RPH3AL: variants seen among roughly 807,000 people sequenced by gnomAD.
RPH3AL encodes rab effector Noc2.
RPH3AL carries 38 observed loss-of-function variants against 43.1 expected under a neutral mutation model. That is an observed-to-expected ratio of 0.88 (90% CI 0.68 to 1.15). The LOEUF (loss-of-function observed/expected upper bound fraction) is 1.15, where lower values mean the gene tolerates loss of function less well. Ranked by LOEUF, RPH3AL falls within the 50% of genes most tolerant of loss-of-function variation. RPH3AL has a pLI of 0.00. For synonymous variants in RPH3AL, 189 were observed against 176.3 expected, an observed-to-expected ratio of 1.07 and a Z score of -0.57; for missense variants, 462 against 423.2, an observed-to-expected ratio of 1.09 and a Z score of -0.81.
chr17:292,546 C>T (rs56210017), intron 5 of RPH3AL, among the ~76,000 whole-genome samples: 1 of 152,154 alleles, frequency 6.6e-6, no homozygotes, highest in Non-Finnish European at 1.5e-5. Context: ...TTAAGCAGCT[C>T]GACGTGGGGA....
rs2041780227 is a variant in RPH3AL, at chr17:246,963, G to T, written c.613+148C>A. ...CGCTGCTCACTCGGGAGAAGGTGTG[G>T]AGCTGAGGGCACAGGGAGGGACGCA... On this transcript the variant is annotated intron_variant, in intron 7 of 9. Coordinates refer to ENST00000331302, the MANE Select transcript of RPH3AL (RefSeq NM_006987.4). This position sits in a 1 kb window ranked among gnomAD's most constrained non-coding sequence, Gnocchi z 4.8. 8.2e-6 allele frequency: 7 copies of T among 850,392 alleles called. No homozygotes were observed. The highest frequency in any genetic ancestry group is 1.9e-5 in the Admixed American group (1 of 51,804). 52.7% of individuals were successfully genotyped at this position (850,392 alleles called of 1,614,324 possible). A position where few individuals can be genotyped will look rare whatever the true frequency, so the allele number is the denominator to read the frequency against.
intron 7 of RPH3AL, among the ~76,000 whole-genome samples, chr17:235,474 G>A (rs193020300): frequency 3.0e-5 from 4 of 135,282 alleles, no homozygotes; most frequent in Non-Finnish European, 3.3e-5. Context: ...GGGGTCGGCC[G>A]AGGCTCTGCA....
chr17:297,629 A>T (rs920174062), intron 5 of RPH3AL, among the ~76,000 whole-genome samples: 12 of 152,174 alleles, frequency 7.9e-5, no homozygotes, highest in Admixed American at 7.9e-4. Context: ...ACTGTAAGAG[A>T]ATAGGAAAAA....
intron 2 of RPH3AL, 56 bp from the exon 3 acceptor site, chr17:327,635 G>T: frequency 8.7e-7 from 1 of 1,146,074 alleles, no homozygotes; most frequent in Non-Finnish European, 1.3e-6. Context: ...GGTACAGATG[G>T]CAGACAGGTT....
At chr17:258,244 G>A (rs532299716) in intron 6 of RPH3AL, among the ~76,000 whole-genome samples, 6 of 152,278 alleles carry the variant, frequency 3.9e-5, no homozygotes, top group African/African-American at 9.6e-5. Context: ...CATCACAGCC[G>A]TCTTGCTCAC....
intron 5 of RPH3AL, among the ~76,000 whole-genome samples, chr17:311,491 C>T (rs958526227): frequency 3.3e-5 from 5 of 152,160 alleles, no homozygotes; most frequent in Non-Finnish European, 7.3e-5. Flanking sequence ...TGCTCTGAGT[C>T]CTGGGAACCC....
intron 6 of RPH3AL, among the ~76,000 whole-genome samples, chr17:265,517 A>G (rs570798375): frequency 1.6e-4 from 25 of 152,354 alleles, no homozygotes; most frequent in Admixed American, 1.1e-3. Context: ...AACGTTCGTC[A>G]TCCTGAAATA....
At chr17:301,246 G>C (rs995352055) in intron 5 of RPH3AL, among the ~76,000 whole-genome samples, 3 of 152,226 alleles carry the variant, frequency 2.0e-5, no homozygotes, top group African/African-American at 4.8e-5. Context: ...CCTTCCTTTG[G>C]GGTCTCCTGC....
At chr17:270,336 G>A (rs1411121928) in intron 6 of RPH3AL, among the ~76,000 whole-genome samples, 2 of 152,346 alleles carry the variant, frequency 1.3e-5, no homozygotes, top group East Asian at 3.9e-4. Context: ...GTGAGCACAG[G>A]CCGCCTGCCC....
intron 8 of RPH3AL, among the ~76,000 whole-genome samples, chr17:218,558 A>T (rs2040871416): frequency 6.6e-6 from 1 of 151,434 alleles, no homozygotes; most frequent in African/African-American, 2.4e-5. Context: ...GGCCTCCCTG[A>T]AATTTCTTTC....
intron 7 of RPH3AL, among the ~76,000 whole-genome samples, chr17:235,153 G>C (rs987806946): frequency 2.6e-5 from 4 of 151,768 alleles, no homozygotes; most frequent in Middle Eastern, 3.4e-3. Flanking sequence ...ACGGGTGCAG[G>C]GTTCAAAGCT....
chr17:285,866 C>A (rs563524550), intron 5 of RPH3AL, among the ~76,000 whole-genome samples: 1 of 152,188 alleles, frequency 6.6e-6, no homozygotes, highest in Non-Finnish European at 1.5e-5. Flanking sequence ...TCTATCTCCA[C>A]CCCCATCCCG....
At chr17:313,895 C>T (rs2043726334) in intron 5 of RPH3AL, among the ~76,000 whole-genome samples, 1 of 152,188 alleles carries the variant, frequency 6.6e-6, no homozygotes, top group Non-Finnish European at 1.5e-5. Context: ...ACTCCCCTCC[C>T]ACCTCAATCC....
At chr17:226,033 C>T (rs985060596) in intron 7 of RPH3AL, among the ~76,000 whole-genome samples, 2 of 152,328 alleles carry the variant, frequency 1.3e-5, no homozygotes, top group East Asian at 3.9e-4. Flanking sequence ...GTGAGGACGG[C>T]GTTTGTTATG....
chr17:225,130 A>C lies in RPH3AL; in HGVS notation c.614-5394T>G, dbSNP rs1304943952. On this transcript the variant is annotated intron_variant, in intron 7 of 9. Transcript: ENST00000331302. The surrounding 1 kb of genome is among the most constrained non-coding windows in gnomAD (Gnocchi z 4.4). ...AAATATAATGGAAAAAAAAAAAAAA[A>C]GAGTGATGAGCATGGGATCAGGCCT... Among the ~76,000 whole-genome samples the C allele has an allele frequency of 6.7e-6, 1 of 150,310 alleles. No homozygotes were observed. The highest frequency in any genetic ancestry group is 6.6e-5 in the Admixed American group (1 of 15,076).
chr17:234,080 C>T (rs28376964), intron 7 of RPH3AL, among the ~76,000 whole-genome samples: 33 of 45,646 alleles, frequency 7.2e-4, no homozygotes, highest in Middle Eastern at 0.011. Context: ...CCAACTTCCC[C>T]GAGCAGGGAG....
chr17:265,382 C>T (rs1905211030), intron 6 of RPH3AL, among the ~76,000 whole-genome samples: 1 of 152,122 alleles, frequency 6.6e-6, no homozygotes, highest in Admixed American at 6.5e-5. Context: ...AGGTGCCTGG[C>T]CAAGAGATAT....
intron 5 of RPH3AL, among the ~76,000 whole-genome samples, chr17:296,212 A>C: frequency 8.7e-6 from 1 of 114,288 alleles, no homozygotes; most frequent in Non-Finnish European, 1.8e-5. Context: ...GGAGGGACAG[A>C]GGAGCTGCAG....
At chr17:224,935 T>C (rs990113117) in intron 7 of RPH3AL, among the ~76,000 whole-genome samples, 12 of 97,352 alleles carry the variant, frequency 1.2e-4, no homozygotes, top group African/African-American at 4.8e-4. Context: ...GGACACAGGG[T>C]GGGGAACATC....
Sources: gnomAD v4.1 joint callset for allele counts (sites outside exome capture counted in the v4.1 genomes callset) on GRCh38, gnomAD v4.1.1 for gene constraint, Gnocchi (gnomAD v3.1) non-coding constraint, MANE v1.5 for transcripts, NCBI Gene and HGNC (gene_info 2026-07-23, HGNC 2026-07-21) for gene names.